Variants in IRF2 observed in about 807,000 individuals in gnomAD.
IRF2 encodes interferon regulatory factor 2.
A neutral mutation model predicts 40.6 loss-of-function variants in IRF2; 15 were observed. That is an observed-to-expected ratio of 0.37 (90% CI 0.25 to 0.57). IRF2 has a LOEUF of 0.57. Among genes scored for constraint, IRF2 ranks in the 20% least tolerant of loss-of-function variants. IRF2 has a pLI of 0.77. For synonymous variants in IRF2, 151 were observed against 165.5 expected, an observed-to-expected ratio of 0.91 and a Z score of 0.67; for missense variants, 317 against 455.7, an observed-to-expected ratio of 0.70 and a Z score of 2.77.
At chr4:184,430,027 T>G (rs1177693310) in intron 1 of IRF2, among the ~76,000 whole-genome samples, 1 of 152,176 alleles carries the variant, frequency 6.6e-6, no homozygotes, top group Non-Finnish European at 1.5e-5. Context: ...CTATAGGACC[T>G]CACAGACAGT....
intron 7 of IRF2, among the ~76,000 whole-genome samples, chr4:184,395,288 C>T (rs1736405632): frequency 1.3e-5 from 2 of 151,908 alleles, no homozygotes; most frequent in African/African-American, 2.4e-5. Flanking sequence ...TTGTGGGTGC[C>T]TGTAGTCCCA....
chr4:184,411,269 G>C (rs1737064321), intron 5 of IRF2, among the ~76,000 whole-genome samples: 1 of 152,034 alleles, frequency 6.6e-6, no homozygotes, highest in African/African-American at 2.4e-5. Flanking sequence ...ATGTTGGCCA[G>C]GCTGGTCTCG....
intron 1 of IRF2, among the ~76,000 whole-genome samples, chr4:184,430,782 A>G (rs941513995): frequency 6.6e-6 from 1 of 151,984 alleles, no homozygotes; most frequent in Admixed American, 6.6e-5. Flanking sequence ...TGCAGCCTCA[A>G]CCTCCTGGGC....
chr4:184,402,391 T>G (rs1229434753), intron 6 of IRF2, among the ~76,000 whole-genome samples: 1 of 152,120 alleles, frequency 6.6e-6, no homozygotes, highest in Non-Finnish European at 1.5e-5. Context: ...TGCCTCTCAC[T>G]CACTGTCCCC....
chr4:184,388,640 T>C lies in IRF2; in HGVS notation c.*118A>G, dbSNP rs1736138693. 1 of 1,062,466 alleles carries C rather than the reference T, an allele frequency of 9.4e-7. No homozygotes were observed. The highest frequency in any genetic ancestry group is 1.4e-6 in the Non-Finnish European group (1 of 726,004). 65.8% of individuals were successfully genotyped at this position (1,062,466 alleles called of 1,614,324 possible). On this transcript the variant is annotated 3_prime_UTR_variant, in exon 9 of 9. Transcript: ENST00000393593. The surrounding 1 kb of genome is among the most constrained non-coding windows in gnomAD (Gnocchi z 4.6). ...GGACACAGCAATCAATGTTCTATTG[T>C]CAAGGCTTTTTCCCTTAGATTTGTC...
chr4:184,432,816 C>T (rs12500430), intron 1 of IRF2, among the ~76,000 whole-genome samples: 64,467 of 152,048 alleles, frequency 0.42, 14,399 homozygotes, highest in East Asian at 0.57. Context: ...CCTGGAGCCA[C>T]CAGAAGCTGG....
intron 1 of IRF2, among the ~76,000 whole-genome samples, chr4:184,429,819 T>C (rs1737809860): frequency 6.6e-6 from 1 of 152,182 alleles, no homozygotes; most frequent in African/African-American, 2.4e-5. Flanking sequence ...CCTCCGCCAG[T>C]CCACACAATG....
At chr4:184,403,398 A>T (rs1736738283) in intron 6 of IRF2, among the ~76,000 whole-genome samples, 1 of 152,222 alleles carries the variant, frequency 6.6e-6, no homozygotes, top group Non-Finnish European at 1.5e-5. Flanking sequence ...GTAAACAGTC[A>T]GAAGTGGCAC....
At chr4:184,449,431 A>C (rs1738634378) in intron 1 of IRF2, among the ~76,000 whole-genome samples, 4 of 152,238 alleles carry the variant, frequency 2.6e-5, no homozygotes, top group Non-Finnish European at 5.9e-5. Flanking sequence ...TGAGGACCAA[A>C]GTCAATTCTG....
chr4:184,471,005 C>T (rs951314551), intron 1 of IRF2, among the ~76,000 whole-genome samples: 6 of 152,008 alleles, frequency 3.9e-5, no homozygotes, highest in Non-Finnish European at 8.8e-5. Flanking sequence ...AAAGTTATTC[C>T]ATGTTTAATC....
chr4:184,408,232 C>T lies in IRF2; in HGVS notation c.455G>A (p.Ser152Asn). The change falls in exon 6 of 9, where the codon AGT becomes AAT. Residue 152 changes from serine (S) to asparagine (N), a missense_variant. Physicochemically the swap from Ser to Asn is conservative, Grantham distance 46 (BLOSUM62 1). Coordinates refer to ENST00000393593, the MANE Select transcript of IRF2 (RefSeq NM_002199.4). This position sits in a 1 kb window ranked among gnomAD's most constrained non-coding sequence, Gnocchi z 4.9. The part of the protein sequence containing the change: ...ESSLGLSNGV[S>N]DLSPEYAVLT... ...GACCGCATACTCAGGAGAAAGATCA[C>T]TTACTCCATTACTAAGCCCCAGAGA... 2 of 1,613,556 alleles carry T rather than the reference C, an allele frequency of 1.2e-6. No homozygotes were observed. Among genetic ancestry groups the T allele is most frequent in the East Asian group, 2.2e-5 (1 of 44,890 alleles).
At chr4:184,425,980 TTG>T (rs1737656455) in intron 2 of IRF2, among the ~76,000 whole-genome samples, 1 of 8,030 alleles carries the variant, frequency 1.2e-4, no homozygotes. Context: ...ACTCCGGTTT[TTG>T]TTTGTTTGTT....
intron 2 of IRF2, among the ~76,000 whole-genome samples, chr4:184,427,858 A>G (rs1406130804): frequency 1.3e-5 from 2 of 152,316 alleles, no homozygotes; most frequent in Non-Finnish European, 2.9e-5. Context: ...AAGCCTGGCC[A>G]GCTAAATTAT....
intron 2 of IRF2, among the ~76,000 whole-genome samples, chr4:184,425,050 G>A (rs565741503): frequency 2.0e-5 from 3 of 152,310 alleles, no homozygotes; most frequent in South Asian, 2.1e-4. Context: ...CCAAGGCACT[G>A]GTGCATGGGG....
At chr4:184,394,168 A>G (rs1736361264) in intron 7 of IRF2, among the ~76,000 whole-genome samples, 1 of 151,316 alleles carries the variant, frequency 6.6e-6, no homozygotes, top group Non-Finnish European at 1.5e-5. Flanking sequence ...CACATGAGTA[A>G]TTCACTTAAC....
chr4:184,470,699 A>C (rs1039726100), intron 1 of IRF2, among the ~76,000 whole-genome samples: 1 of 136,196 alleles, frequency 7.3e-6, no homozygotes, highest in African/African-American at 2.7e-5. Flanking sequence ...CAAAAAAAAA[A>C]AAAAAGAAAA....
At chr4:184,410,049 C>T (rs72629644) in intron 5 of IRF2, among the ~76,000 whole-genome samples, 40,559 of 152,068 alleles carry the variant, frequency 0.27, 5,558 homozygotes, top group Middle Eastern at 0.38. Context: ...CGGACTTCGC[C>T]TCTCCACCTG....
At position 184,423,779 on chromosome 4, in the gene IRF2, G is replaced by A. The variant is rs146667263; in HGVS notation, c.88-4211C>T. Among the ~76,000 whole-genome samples, 343 of 152,118 alleles carry A rather than the reference G, an allele frequency of 2.3e-3. 1 individual carries two copies. The highest frequency in any genetic ancestry group is 7.8e-3 in the African/African-American group (323 of 41,496). Reference sequence around the variant, plus strand: ...AACCTGGTCTCAACAAGTCAATGGCGAGAAGGAAAAAAACAGAGGCCCACA... The same window carrying A: ...AACCTGGTCTCAACAAGTCAATGGCAAGAAGGAAAAAAACAGAGGCCCACA... On this transcript the variant is annotated intron_variant, in intron 2 of 8. Coordinates refer to ENST00000393593, the MANE Select transcript of IRF2 (RefSeq NM_002199.4).
At chr4:184,412,021 A>G (rs1300228807) in intron 5 of IRF2, among the ~76,000 whole-genome samples, 3 of 147,294 alleles carry the variant, frequency 2.0e-5, no homozygotes, top group Non-Finnish European at 3.0e-5. Context: ...AAAAAAAAAA[A>G]AAAAAAAAGA....
Sources: gnomAD v4.1 joint callset for allele counts (sites outside exome capture counted in the v4.1 genomes callset) on GRCh38, gnomAD v4.1.1 for gene constraint, Gnocchi (gnomAD v3.1) non-coding constraint, MANE v1.5 for transcripts, NCBI Gene and HGNC (gene_info 2026-07-23, HGNC 2026-07-21) for gene names.